RSF1: variants seen among roughly 807,000 people sequenced by gnomAD.
RSF1 encodes remodeling and spacing factor 1.
RSF1 carries 13 observed loss-of-function variants against 145.2 expected under a neutral mutation model. That is an observed-to-expected ratio of 0.09 (90% CI 0.06 to 0.14). The LOEUF is 0.14. Ranked by LOEUF, RSF1 falls within the 10% of genes least tolerant of loss-of-function variation. The pLI is 1.00. For missense variants in RSF1, 1,517 were observed against 1,718.2 expected (o/e 0.88, Z 2.07); for synonymous variants, 577 against 592.6 (o/e 0.97, Z 0.38).
At chr11:77,691,575 TGTTTTAAAGGG>T (rs1196210890) in intron 8 of RSF1, 1 of 213,972 alleles carries the variant, frequency 4.7e-6, no homozygotes. Flanking sequence ...GATCCCAAGA[TGTTTTAAAGGG>T]AGAAGGTTAT....
chr11:77,737,427 C>G (rs1961381680), intron 4 of RSF1, among the ~76,000 whole-genome samples: 1 of 151,436 alleles, frequency 6.6e-6, no homozygotes, highest in Non-Finnish European at 1.5e-5. Context: ...CACACTGCAG[C>G]CTGGGCAACA....
chr11:77,744,004 G>C (rs1019095517), intron 3 of RSF1, among the ~76,000 whole-genome samples: 8 of 151,964 alleles, frequency 5.3e-5, no homozygotes, highest in African/African-American at 1.9e-4. Context: ...TCTTAATGTG[G>C]AGCATCACAA....
chr11:77,712,105 TGGTTTGGC>T (rs1283154625), intron 5 of RSF1, among the ~76,000 whole-genome samples: 1 of 152,236 alleles, frequency 6.6e-6, no homozygotes, highest in African/African-American at 2.4e-5. Context: ...ATACCTGATA[TGGTTTGGC>T]TGTGTCCCCA....
At position 77,801,012 on chromosome 11, in the gene RSF1, C is replaced by CA. The variant is rs111666877; in HGVS notation, c.187+19515dup. ...AGAGCCAGGCCTTCTCTCTCTCTCT[C>CA]AAAAAAAAAAAGAATTAATTCCAAT... On this transcript the variant is annotated intron_variant, in intron 1 of 15. Transcript: ENST00000308488. Among the ~76,000 whole-genome samples, 841 of 146,790 alleles carry CA rather than the reference C, an allele frequency of 5.7e-3. 6 individuals carry two copies. The highest frequency in any genetic ancestry group is 7.6e-3 in the African/African-American group (306 of 40,312).
the RSF1 span, chr11:77,869,860 T>G: frequency 1.3e-6 from 2 of 1,577,644 alleles, no homozygotes; most frequent in African/African-American, 2.7e-5. Context: ...CAGGTGGGGA[T>G]CTCTTGGGCC....
At chr11:77,733,875 C>G (rs1961270405) in intron 4 of RSF1, among the ~76,000 whole-genome samples, 1 of 152,128 alleles carries the variant, frequency 6.6e-6, no homozygotes, top group African/African-American at 2.4e-5. Context: ...CTTTTTCATT[C>G]CTAAACAAAT....
chr11:77,723,660 A>G (rs910081401), intron 5 of RSF1, among the ~76,000 whole-genome samples: 1 of 152,248 alleles, frequency 6.6e-6, no homozygotes, highest in Non-Finnish European at 1.5e-5. Flanking sequence ...ATTATTATAT[A>G]CTACACGGAA....
At chr11:77,710,522 T>C (rs1454939906) in intron 5 of RSF1, among the ~76,000 whole-genome samples, 1 of 152,238 alleles carries the variant, frequency 6.6e-6, no homozygotes, top group Non-Finnish European at 1.5e-5. Flanking sequence ...TTCCAGATAC[T>C]GTAGACTACA....
intron 7 of RSF1, among the ~76,000 whole-genome samples, chr11:77,695,053 T>TA (rs1960248691): frequency 6.6e-6 from 1 of 152,188 alleles, no homozygotes; most frequent in Non-Finnish European, 1.5e-5. Flanking sequence ...TTGGTTAAAG[T>TA]ACATCTGTTG....
chr11:77,770,946 T>A (rs192207175), intron 1 of RSF1, among the ~76,000 whole-genome samples: 321 of 152,294 alleles, frequency 2.1e-3, no homozygotes, highest in Non-Finnish European at 3.3e-3. Context: ...CTTATACTTA[T>A]ATAACCACTA....
chr11:77,757,450 C>T (rs931525363), intron 2 of RSF1, among the ~76,000 whole-genome samples: 1 of 152,118 alleles, frequency 6.6e-6, no homozygotes, highest in African/African-American at 2.4e-5. Context: ...GAGGCCAAGG[C>T]GGGTGGATCA....
intron 1 of RSF1, among the ~76,000 whole-genome samples, chr11:77,780,691 G>A (rs1159465254): frequency 1.3e-5 from 2 of 152,060 alleles, no homozygotes; most frequent in East Asian, 3.9e-4. Context: ...CGCGTGTGGT[G>A]GCACATGCTG....
At chr11:77,781,032 C>T (rs1472451534) in intron 1 of RSF1, among the ~76,000 whole-genome samples, 1 of 152,012 alleles carries the variant, frequency 6.6e-6, no homozygotes, top group East Asian at 1.9e-4. Context: ...CATTTTTTAA[C>T]GTCAGTGTCC....
At chr11:77,753,576 G>T (rs1050664806) in intron 2 of RSF1, among the ~76,000 whole-genome samples, 2 of 152,142 alleles carry the variant, frequency 1.3e-5, no homozygotes, top group Admixed American at 6.5e-5. Flanking sequence ...CTTAAAACAT[G>T]AGAATTTTTG....
At chr11:77,863,329 G>A in the RSF1 span, among the ~76,000 whole-genome samples, 2 of 152,168 alleles carry the variant, frequency 1.3e-5, no homozygotes, top group African/African-American at 4.8e-5. Flanking sequence ...AGTCAGCAGC[G>A]GGTCTGTGAT....
chr11:77,753,611 T>A (rs977874228), intron 2 of RSF1, among the ~76,000 whole-genome samples: 4 of 151,544 alleles, frequency 2.6e-5, no homozygotes, highest in Non-Finnish European at 5.9e-5. Context: ...ACATCAGCTA[T>A]CATTCATGTT....
Position 77,665,319 on chromosome 11 carries a change from T to C in RSF1, c.*1598A>G, listed in dbSNP as rs1422588524. On this transcript the variant is annotated 3_prime_UTR_variant, in exon 16 of 16. Transcript: ENST00000308488. Reference sequence around the variant, plus strand: ...CCAGCAGCAGATATGGTGTGTCCATTGCCGGCAACAGACACAACACCGGAA... The same window carrying C: ...CCAGCAGCAGATATGGTGTGTCCATCGCCGGCAACAGACACAACACCGGAA... The C allele has an allele frequency of 2.0e-5, 3 of 152,176 alleles. No homozygotes were observed. Among genetic ancestry groups the C allele is most frequent in the African/African-American group, 7.2e-5 (3 of 41,428 alleles). The allele number at this position is 152,176 out of a possible 1,614,324, so 9.4% of individuals were successfully genotyped here. A position where few individuals can be genotyped will look rare whatever the true frequency, so the allele number is the denominator to read the frequency against.
intron 1 of RSF1, among the ~76,000 whole-genome samples, chr11:77,820,145 A>G (rs1359428225): frequency 6.6e-6 from 1 of 152,140 alleles, no homozygotes; most frequent in African/African-American, 2.4e-5. Flanking sequence ...GAAAAGCGCA[A>G]AGCTGGCCGG....
intron 1 of RSF1, among the ~76,000 whole-genome samples, chr11:77,788,967 T>A (rs1162697579): frequency 6.6e-6 from 1 of 151,596 alleles, no homozygotes; most frequent in East Asian, 1.9e-4. Flanking sequence ...AGGCCAAGAG[T>A]TGGAGACCAG....
Sources: gnomAD v4.1 joint callset for allele counts (sites outside exome capture counted in the v4.1 genomes callset) on GRCh38, gnomAD v4.1.1 for gene constraint, MANE v1.5 for transcripts, NCBI Gene and HGNC (gene_info 2026-07-23, HGNC 2026-07-21) for gene names.